Variants in ZDHHC14 observed in about 807,000 individuals in gnomAD.
ZDHHC14 encodes the protein palmitoyltransferase ZDHHC14.
In ZDHHC14, 16 loss-of-function variants were observed where a neutral mutation model predicts 47.7. That is an observed-to-expected ratio of 0.34 (90% CI 0.23 to 0.51). The LOEUF (loss-of-function observed/expected upper bound fraction) is 0.51, where lower values mean the gene tolerates loss of function less well. Ranked by LOEUF, ZDHHC14 falls within the 20% of genes least tolerant of loss-of-function variation. The probability of loss-of-function intolerance (pLI) is 0.97; values close to 1 mark genes in which losing one functional copy is unlikely to be tolerated. For synonymous variants in ZDHHC14, 293 were observed against 278.9 expected, an observed-to-expected ratio of 1.05 and a Z score of -0.50; for missense variants, 515 against 662.5, an observed-to-expected ratio of 0.78 and a Z score of 2.44.
chr6:157,557,858 C>T (rs1211803747), intron 2 of ZDHHC14, among the ~76,000 whole-genome samples: 1 of 152,248 alleles, frequency 6.6e-6, no homozygotes, highest in Non-Finnish European at 1.5e-5. Context: ...ACTGCTCTCA[C>T]TTCCGTCACC....
chr6:157,390,021 A>G (rs1777391187), intron 1 of ZDHHC14, among the ~76,000 whole-genome samples: 1 of 151,836 alleles, frequency 6.6e-6, no homozygotes, highest in South Asian at 2.1e-4. Flanking sequence ...GGTACTCTTC[A>G]TTTCTTCTAA....
At chr6:157,420,146 C>A (rs1181592823) in intron 1 of ZDHHC14, among the ~76,000 whole-genome samples, 1 of 151,956 alleles carries the variant, frequency 6.6e-6, no homozygotes, top group Non-Finnish European at 1.5e-5. Context: ...AATCGAGGCA[C>A]TGATGAGAGA....
At chr6:157,452,690 A>ATTTTTTTTTTTTT (rs747862336) in intron 1 of ZDHHC14, among the ~76,000 whole-genome samples, 2 of 72,960 alleles carry the variant, frequency 2.7e-5, no homozygotes, top group African/African-American at 5.7e-5. Context: ...ATACATGGGG[A>ATTTTTTTTTTTTT]TTTTTTTTTT....
chr6:157,624,524 G>A (rs974094192), intron 3 of ZDHHC14, among the ~76,000 whole-genome samples: 1 of 152,236 alleles, frequency 6.6e-6, no homozygotes, highest in Non-Finnish European at 1.5e-5. Context: ...AAGCCATGGT[G>A]TCCTATGTTG....
In ZDHHC14 at chr6:157,423,923, C is replaced by T. The variant is rs541056481; in HGVS notation, c.245+41657C>T. 2.6e-5 allele frequency among the ~76,000 whole-genome samples: 4 copies of T among 152,338 alleles called. No homozygotes were observed. The South Asian group carries it at 8.3e-4, about 32-fold the overall frequency. On this transcript the variant is annotated intron_variant, in intron 1 of 8. Transcript: ENST00000359775. ...GTGCAATATGAGGTTTCAGAGCACA[C>T]TGGTTCAGGCATCCATCAGCGCTTG...
intron 8 of ZDHHC14, among the ~76,000 whole-genome samples, chr6:157,659,594 C>T (rs564049623): frequency 1.2e-4 from 19 of 152,302 alleles, no homozygotes; most frequent in African/African-American, 4.6e-4. Flanking sequence ...CAGACTAAGC[C>T]AGCACATCAT....
intron 1 of ZDHHC14, among the ~76,000 whole-genome samples, chr6:157,420,686 G>C (rs9505841): frequency 0.057 from 8,662 of 152,322 alleles, 298 homozygotes; most frequent in Middle Eastern, 0.085. Flanking sequence ...TATAGAAGTA[G>C]GTTGCTCTCT....
At chr6:157,563,350 G>A (rs575055546) in intron 2 of ZDHHC14, among the ~76,000 whole-genome samples, 11 of 152,342 alleles carry the variant, frequency 7.2e-5, no homozygotes, top group African/African-American at 2.4e-4. Flanking sequence ...AAGAGGAGCC[G>A]GAGCAGGTCC....
chr6:157,389,817 A>G (rs151065517), intron 1 of ZDHHC14, among the ~76,000 whole-genome samples: 1 of 152,158 alleles, frequency 6.6e-6, no homozygotes, highest in Non-Finnish European at 1.5e-5. Flanking sequence ...CATATATGCT[A>G]TAAAGCCAGT....
At chr6:157,595,174 A>ATTTTTTTTTTT (rs777568494) in intron 3 of ZDHHC14, among the ~76,000 whole-genome samples, 3 of 62,716 alleles carry the variant, frequency 4.8e-5, no homozygotes, top group African/African-American at 2.2e-4. Context: ...TCTAGGCTAG[A>ATTTTTTTTTTT]TTTTTTTTTT....
chr6:157,560,569 G>T (rs1355432743), intron 2 of ZDHHC14, among the ~76,000 whole-genome samples: 3 of 151,610 alleles, frequency 2.0e-5, no homozygotes, highest in African/African-American at 4.8e-5. Context: ...TTTTTTTTGT[G>T]ATTGGACTGG....
At chr6:157,631,417 T>C (rs17448587) in intron 4 of ZDHHC14, 84,855 of 152,076 alleles carry the variant, frequency 0.56, 25,844 homozygotes, top group East Asian at 0.87. Context: ...TTCCCTTGTT[T>C]GACACCCCCT....
rs772521909 is a variant in ZDHHC14 at position 157,672,992 on chromosome 6, C to T, written c.1337C>T (p.Ser446Leu). The T allele has an allele frequency of 2.1e-5, 33 of 1,588,452 alleles. No individual in the cohort carries two copies. Among genetic ancestry groups the T allele is most frequent in the Admixed American group, 3.4e-5 (2 of 58,076 alleles). The change falls in exon 9 of 9, where the codon TCG (serine) becomes TTG (leucine). Residue 446 changes from serine to leucine, a missense_variant. Physicochemically the swap from Ser to Leu is moderately radical, Grantham distance 145. Coordinates refer to ENST00000359775, the MANE Select transcript of ZDHHC14 (RefSeq NM_024630.3). ...HQFLTPDEAP[S>L]PPRLLAAGSP... ...TTCCTGACGCCCGATGAGGCGCCCT[C>T]GCCCCCCAGGCTACTGGCGGCGGGC...
At chr6:157,480,413 A>G (rs1473893084) in intron 1 of ZDHHC14, among the ~76,000 whole-genome samples, 1 of 151,864 alleles carries the variant, frequency 6.6e-6, no homozygotes, top group Non-Finnish European at 1.5e-5. Context: ...GACCACAGGC[A>G]TGCACCACCA....
intron 1 of ZDHHC14, among the ~76,000 whole-genome samples, chr6:157,471,246 A>G (rs1338908997): frequency 6.6e-6 from 1 of 152,232 alleles, no homozygotes; most frequent in East Asian, 1.9e-4. Flanking sequence ...CTCTCCCCGC[A>G]GAGTGCGCTT....
At chr6:157,443,975 T>G (rs17231509) in intron 1 of ZDHHC14, among the ~76,000 whole-genome samples, 30,478 of 151,954 alleles carry the variant, frequency 0.2, 3,242 homozygotes, top group East Asian at 0.34. Context: ...TGTTATCTTA[T>G]TATTTTTCAG....
intron 1 of ZDHHC14, among the ~76,000 whole-genome samples, chr6:157,426,370 T>C (rs1274459266): frequency 6.6e-6 from 1 of 152,100 alleles, no homozygotes; most frequent in Non-Finnish European, 1.5e-5. Context: ...AAGGGAAAAA[T>C]CAATGAATTT....
chr6:157,455,319 C>T (rs1440280481), intron 1 of ZDHHC14, among the ~76,000 whole-genome samples: 2 of 152,216 alleles, frequency 1.3e-5, no homozygotes, highest in African/African-American at 4.8e-5. Context: ...AGTGATCAGT[C>T]ACCATGCCTT....
At chr6:157,632,979 G>T in intron 5 of ZDHHC14, 97 bp downstream of exon 5, 1 of 1,297,132 alleles carries the variant, frequency 7.7e-7, no homozygotes, top group South Asian at 1.2e-5. Context: ...CCCCGGCCTT[G>T]CTTCTCATGT....
Sources: gnomAD v4.1 joint callset for allele counts (sites outside exome capture counted in the v4.1 genomes callset) on GRCh38, gnomAD v4.1.1 for gene constraint, MANE v1.5 for transcripts, NCBI Gene and HGNC (gene_info 2026-07-23, HGNC 2026-07-21) for gene names.